WDFY2: variants seen among roughly 807,000 people sequenced by gnomAD.
The protein encoded by WDFY2 is WD repeat and FYVE domain-containing protein 2.
WDFY2 carries 36 observed loss-of-function variants against 56.4 expected under a neutral mutation model. That is an observed-to-expected ratio of 0.64 (90% CI 0.49 to 0.84). WDFY2 has a LOEUF of 0.84. WDFY2 is among the 40% of genes least tolerant of loss of function. The pLI, the probability that WDFY2 is intolerant of heterozygous loss-of-function variation, is 0.00. For missense variants in WDFY2, 444 were observed against 512.2 expected, an observed-to-expected ratio of 0.87 and a Z score of 1.29; for synonymous variants, 176 against 183.7, an observed-to-expected ratio of 0.96 and a Z score of 0.34.
intron 1 of WDFY2, among the ~76,000 whole-genome samples, chr13:51,596,350 T>C (rs1400795301): frequency 2.0e-5 from 3 of 152,216 alleles, no homozygotes; most frequent in African/African-American, 4.8e-5. Flanking sequence ...TTGGTTGCAG[T>C]GTGACTTTTC....
intron 2 of WDFY2, 84 bp from the exon 3 acceptor site, chr13:51,675,086 C>T: frequency 8.1e-7 from 1 of 1,229,104 alleles, no homozygotes; most frequent in Non-Finnish European, 1.2e-6. Context: ...AAAGTACAGC[C>T]CCACACTTTT....
intron 1 of WDFY2, among the ~76,000 whole-genome samples, chr13:51,631,799 G>A (rs1954957694): frequency 6.6e-6 from 1 of 152,186 alleles, no homozygotes. Context: ...AAAGTGCTGG[G>A]ATTACAGGCG....
intron 1 of WDFY2, among the ~76,000 whole-genome samples, chr13:51,614,351 T>C (rs1420329119): frequency 1.3e-5 from 2 of 152,256 alleles, no homozygotes; most frequent in Admixed American, 1.3e-4. Flanking sequence ...GTTTAGATTC[T>C]AGATTTTGCT....
intron 11 of WDFY2, 28 bp from the exon 12 acceptor site, chr13:51,759,712 A>C (rs1209487780): frequency 1.2e-6 from 2 of 1,613,566 alleles, no homozygotes; most frequent in Non-Finnish European, 1.7e-6. Flanking sequence ...ATTTTAGTTC[A>C]TTCTGTATCT....
At chr13:51,663,580 AC>A (rs1955651222) in intron 2 of WDFY2, among the ~76,000 whole-genome samples, 2 of 152,220 alleles carry the variant, frequency 1.3e-5, no homozygotes, top group African/African-American at 4.8e-5. Flanking sequence ...GTAATAATTG[AC>A]CTGGGCAAGA....
chr13:51,724,231 C>CTTTTTTTT (rs529903671), intron 5 of WDFY2, among the ~76,000 whole-genome samples: 22 of 107,982 alleles, frequency 2.0e-4, no homozygotes, highest in Non-Finnish European at 2.4e-4. Context: ...TCTTTTTTAA[C>CTTTTTTTT]TTTTTTTTTT....
In WDFY2 at chr13:51,764,071, C is replaced by G. The variant is rs934468218; in HGVS notation, c.*4302C>G. 16 of 152,044 alleles carry G rather than the reference C, an allele frequency of 1.1e-4. No individual in the cohort carries two copies. The highest frequency in any genetic ancestry group is 3.9e-4 in the African/African-American group (16 of 41,374). The allele number at this position is 152,044 out of a possible 1,614,324, so 9.4% of individuals were successfully genotyped here. On this transcript the variant is annotated 3_prime_UTR_variant, in exon 12 of 12. Coordinates refer to ENST00000298125, the MANE Select transcript of WDFY2 (RefSeq NM_052950.4). ...AAATAATATTGAATTTTTCCTGGTACGAAGACAGATATTTATTAACTTGAT... is the reference window on the plus strand; with the variant it reads ...AAATAATATTGAATTTTTCCTGGTAGGAAGACAGATATTTATTAACTTGAT...
chr13:51,706,732 A>G (rs1021448197), intron 4 of WDFY2, among the ~76,000 whole-genome samples: 1 of 152,240 alleles, frequency 6.6e-6, no homozygotes, highest in Non-Finnish European at 1.5e-5. Flanking sequence ...CTAGAAATCA[A>G]TGCAAGCTCT....
chr13:51,615,306 A>G (rs1421701904), intron 1 of WDFY2, among the ~76,000 whole-genome samples: 5 of 152,196 alleles, frequency 3.3e-5, no homozygotes, highest in East Asian at 1.9e-4. Context: ...CAACATACAG[A>G]TAGTAAAAAA....
intron 6 of WDFY2, among the ~76,000 whole-genome samples, chr13:51,736,787 G>A (rs551696075): frequency 2.6e-5 from 4 of 152,294 alleles, no homozygotes; most frequent in South Asian, 2.1e-4. Flanking sequence ...TACCGCACCC[G>A]GCCCCATGGT....
In WDFY2 at chr13:51,660,547, C is replaced by G. The variant is rs373191101; in HGVS notation, c.138-49C>G. On this transcript the variant is annotated intron_variant, in intron 1 of 11. Coordinates refer to ENST00000298125, the MANE Select transcript of WDFY2 (RefSeq NM_052950.4). Reference sequence around the variant, plus strand: ...TGTTTTCTATGTATCAGCATTTTCCCATGGCTAAGAATAATGTGATTTCAT... The same window carrying G: ...TGTTTTCTATGTATCAGCATTTTCCGATGGCTAAGAATAATGTGATTTCAT... The G allele has an allele frequency of 1.8e-3, 2,829 of 1,567,976 alleles. 6 individuals are homozygous for G. The highest frequency in any genetic ancestry group is 2.4e-3 in the Non-Finnish European group (2,710 of 1,139,526).
intron 3 of WDFY2, among the ~76,000 whole-genome samples, chr13:51,683,920 T>A (rs1458106115): frequency 6.6e-6 from 1 of 152,124 alleles, no homozygotes; most frequent in East Asian, 1.9e-4. Flanking sequence ...CCTGAGTAGT[T>A]TTTCTTTCCA....
rs1953740657 is a variant in WDFY2 at position 51,766,117 on chromosome 13, T to G, written c.*6348T>G. 6.6e-6 allele frequency: 1 copy of G among 152,258 alleles called. No individual in the cohort carries two copies. The highest frequency in any genetic ancestry group is 1.5e-5 in the Non-Finnish European group (1 of 68,044). 9.4% of individuals were successfully genotyped at this position (152,258 alleles called of 1,614,324 possible). A position where few individuals can be genotyped will look rare whatever the true frequency, so the allele number is the denominator to read the frequency against. ...GTCAGTAGTATATGCCACTATGAAG[T>G]ATGGCCAAAACCCTAGCGTCACTTG... On this transcript the variant is annotated 3_prime_UTR_variant, in exon 12 of 12. Coordinates refer to ENST00000298125, the MANE Select transcript of WDFY2 (RefSeq NM_052950.4).
intron 3 of WDFY2, among the ~76,000 whole-genome samples, chr13:51,678,642 T>C (rs1955926692): frequency 6.6e-6 from 1 of 152,200 alleles, no homozygotes; most frequent in African/African-American, 2.4e-5. Flanking sequence ...ATGTCTCATG[T>C]ATTCTAGCCA....
At chr13:51,651,640 A>C (rs1449878799) in intron 1 of WDFY2, among the ~76,000 whole-genome samples, 1 of 152,190 alleles carries the variant, frequency 6.6e-6, no homozygotes, top group Non-Finnish European at 1.5e-5. Context: ...GGTTTCAAAG[A>C]ACATCTTTAT....
chr13:51,599,623 A>T (rs1190633977), intron 1 of WDFY2, among the ~76,000 whole-genome samples: 1 of 152,220 alleles, frequency 6.6e-6, no homozygotes, highest in Non-Finnish European at 1.5e-5. Context: ...AACTAAGTCC[A>T]TTGGCCAGTC....
At chr13:51,741,304 A>C (rs1186215354) in intron 7 of WDFY2, among the ~76,000 whole-genome samples, 1 of 152,222 alleles carries the variant, frequency 6.6e-6, no homozygotes, top group Admixed American at 6.5e-5. Flanking sequence ...TGCTTTATTT[A>C]ATTCAAGCTT....
chr13:51,656,053 C>CT (rs545474478), intron 1 of WDFY2, among the ~76,000 whole-genome samples: 3,422 of 133,510 alleles, frequency 0.026, 56 homozygotes, highest in East Asian at 0.063. Context: ...CTATCTTTCC[C>CT]TTTTTTTTTT....
rs147848103 is a variant in WDFY2, at chr13:51,584,777, C to G, written c.90C>G (p.Ala30=). ...MEGSQEVVNM[A]VIVPKEEGVI... The stretch of plus-strand genomic sequence containing the variant: ...GGTCCCAGGAGGTGGTGAATATGGC[C>G]GTGATCGTGCCCAAAGAGGAGGGCG... Residue 30 remains alanine (A), a synonymous_variant, in exon 1 of 12, where the codon GCC becomes GCG. Coordinates refer to ENST00000298125, the MANE Select transcript of WDFY2 (RefSeq NM_052950.4). The G allele has an allele frequency of 1.2e-6, 2 of 1,613,926 alleles. No individual in the cohort carries two copies. The highest frequency in any genetic ancestry group is 1.7e-5 in the Admixed American group (1 of 60,024).
Sources: gnomAD v4.1 joint callset for allele counts (sites outside exome capture counted in the v4.1 genomes callset) on GRCh38, gnomAD v4.1.1 for gene constraint, MANE v1.5 for transcripts, NCBI Gene and HGNC (gene_info 2026-07-23, HGNC 2026-07-21) for gene names.